ENPP6: variants seen among roughly 807,000 people sequenced by gnomAD.
The protein encoded by ENPP6 is glycerophosphocholine cholinephosphodiesterase ENPP6.
In ENPP6, 32 loss-of-function variants were observed where a neutral mutation model predicts 42.0. That is an observed-to-expected ratio of 0.76 (90% CI 0.58 to 1.02). ENPP6 has a LOEUF of 1.02. Ranked by LOEUF, ENPP6 falls within the 50% of genes least tolerant of loss-of-function variation. The pLI is 0.00. For synonymous variants in ENPP6, 213 were observed against 216.0 expected (o/e 0.99, Z 0.12); for missense variants, 552 against 566.8 (o/e 0.97, Z 0.27).
intron 1 of ENPP6, among the ~76,000 whole-genome samples, chr4:184,204,529 G>A (rs754435271): frequency 2.6e-5 from 4 of 152,060 alleles, no homozygotes; most frequent in Non-Finnish European, 5.9e-5. Flanking sequence ...GTGGCTGTTG[G>A]CTCCACTTTC....
rs1035400620 is a variant in ENPP6 at position 184,124,034 on chromosome 4, T to C, written c.533+127A>G. 5 of 674,780 alleles carry C rather than the reference T, an allele frequency of 7.4e-6. No homozygotes were observed. The South Asian group carries it at 8.7e-5, about 12-fold the overall frequency. The allele number at this position is 674,780 out of a possible 1,614,324, so 41.8% of individuals were successfully genotyped here. ...CCCTACTAGCAGTTAACAATCACTA[T>C]GCAAGACTCTCACCAACTCTCTGAC... On this transcript the variant is annotated intron_variant, in intron 3 of 7. Coordinates refer to ENST00000296741, the MANE Select transcript of ENPP6 (RefSeq NM_153343.4).
At chr4:184,145,968 A>G (rs755336156) in intron 2 of ENPP6, among the ~76,000 whole-genome samples, 1 of 152,188 alleles carries the variant, frequency 6.6e-6, no homozygotes, top group African/African-American at 2.4e-5. Context: ...GGTCAAAACA[A>G]TAATTTGGTT....
rs116285506 is a variant in ENPP6 at position 184,147,442 on chromosome 4, C to T, written c.421+6112G>A. On this transcript the variant is annotated intron_variant, in intron 2 of 7. Coordinates refer to ENST00000296741, the MANE Select transcript of ENPP6 (RefSeq NM_153343.4). ...AATGCAAGTATGATGCCATCACGCT[C>T]TTCCTTAAAACCTTCCAGTGACTTC... 1.9e-3 allele frequency among the ~76,000 whole-genome samples: 289 copies of T among 152,324 alleles called. 2 individuals carry two copies. The highest frequency in any genetic ancestry group is 6.8e-3 in the African/African-American group (283 of 41,578).
intron 1 of ENPP6, among the ~76,000 whole-genome samples, chr4:184,161,694 C>T (rs1737259986): frequency 6.6e-6 from 1 of 152,038 alleles, no homozygotes; most frequent in South Asian, 2.1e-4. Context: ...TGGAATACTA[C>T]TCAGCCGTGA....
At chr4:184,183,448 C>T (rs1242505453) in intron 1 of ENPP6, among the ~76,000 whole-genome samples, 2 of 152,078 alleles carry the variant, frequency 1.3e-5, no homozygotes, top group Admixed American at 6.6e-5. Context: ...GTAGAATTCT[C>T]CTTTTACAAT....
intron 1 of ENPP6, among the ~76,000 whole-genome samples, chr4:184,160,422 G>A (rs1192406408): frequency 2.0e-5 from 3 of 152,106 alleles, no homozygotes; most frequent in Non-Finnish European, 4.4e-5. Context: ...TTTTTCATAT[G>A]TTTGTTGGCT....
chr4:184,128,339 C>A (rs555832311), intron 2 of ENPP6, among the ~76,000 whole-genome samples: 1 of 152,220 alleles, frequency 6.6e-6, no homozygotes, highest in African/African-American at 2.4e-5. Flanking sequence ...TGCCACCATG[C>A]CTGGCTAATT....
At chr4:184,187,798 T>C (rs1390179167) in intron 1 of ENPP6, among the ~76,000 whole-genome samples, 1 of 152,144 alleles carries the variant, frequency 6.6e-6, no homozygotes, top group Non-Finnish European at 1.5e-5. Flanking sequence ...TTCATTTGTA[T>C]CTCCAGGGCC....
At chr4:184,125,306 G>A (rs1280283188) in intron 2 of ENPP6, among the ~76,000 whole-genome samples, 6 of 152,210 alleles carry the variant, frequency 3.9e-5, no homozygotes, top group Non-Finnish European at 7.3e-5. Context: ...TGGGCTGGGA[G>A]GAAGTCCCAG....
chr4:184,137,802 C>A (rs1175207847), intron 2 of ENPP6, among the ~76,000 whole-genome samples: 1 of 152,138 alleles, frequency 6.6e-6, no homozygotes, highest in African/African-American at 2.4e-5. Flanking sequence ...TTCCCCTAAC[C>A]AATAGTGCTG....
chr4:184,160,439 A>G (rs1037063137), intron 1 of ENPP6, among the ~76,000 whole-genome samples: 2 of 152,142 alleles, frequency 1.3e-5, no homozygotes, highest in African/African-American at 4.8e-5. Context: ...GGCTGTTTGT[A>G]TATCATCTTT....
At chr4:184,209,025 C>A (rs62341626) in intron 1 of ENPP6, among the ~76,000 whole-genome samples, 4 of 144,406 alleles carry the variant, frequency 2.8e-5, no homozygotes, top group Non-Finnish European at 3.1e-5. Flanking sequence ...AGCTGAGGGT[C>A]CTGTCTGTTA....
intron 2 of ENPP6, among the ~76,000 whole-genome samples, chr4:184,128,250 G>C (rs1016434260): frequency 3.3e-5 from 5 of 152,106 alleles, no homozygotes; most frequent in African/African-American, 9.7e-5. Flanking sequence ...GCACGATCTC[G>C]GGTCACTGCA....
chr4:184,213,443 A>G (rs1346855896), intron 1 of ENPP6, among the ~76,000 whole-genome samples: 6 of 152,146 alleles, frequency 3.9e-5, no homozygotes, highest in Non-Finnish European at 8.8e-5. Flanking sequence ...ATGAACAGAC[A>G]CTTCTCAAAA....
chr4:184,147,317 C>T (rs13137191), intron 2 of ENPP6, among the ~76,000 whole-genome samples: 62 of 152,306 alleles, frequency 4.1e-4, no homozygotes, highest in Non-Finnish European at 7.5e-4. Context: ...CACCTGCTCT[C>T]CGGGTTTCTA....
intron 2 of ENPP6, among the ~76,000 whole-genome samples, chr4:184,127,079 A>G (rs1489111868): frequency 1.3e-5 from 2 of 152,238 alleles, no homozygotes; most frequent in African/African-American, 2.4e-5. Flanking sequence ...ACATTTTTAA[A>G]AAAGATTATT....
intron 1 of ENPP6, among the ~76,000 whole-genome samples, chr4:184,188,482 TG>T (rs1210630544): frequency 6.6e-6 from 1 of 152,112 alleles, no homozygotes; most frequent in Non-Finnish European, 1.5e-5. Context: ...AGTCAAGGGT[TG>T]GCACACGACT....
intron 1 of ENPP6, among the ~76,000 whole-genome samples, chr4:184,213,061 T>C (rs1280215543): frequency 6.6e-6 from 1 of 151,682 alleles, no homozygotes; most frequent in East Asian, 1.9e-4. Flanking sequence ...ACTGGATCCC[T>C]TCCTTACACC....
At chr4:184,194,023 C>A (rs1319369531) in intron 1 of ENPP6, among the ~76,000 whole-genome samples, 2 of 152,186 alleles carry the variant, frequency 1.3e-5, no homozygotes, top group African/African-American at 4.8e-5. Flanking sequence ...TCCCTGATAG[C>A]TCTTTGCCTC....
Sources: allele counts gnomAD v4.1 joint callset (sites outside exome capture counted in the v4.1 genomes callset), GRCh38; gene constraint gnomAD v4.1.1; transcripts MANE v1.5; gene names NCBI Gene and HGNC (gene_info 2026-07-23, HGNC 2026-07-21).